Variants in POC1B observed in about 807,000 individuals in gnomAD.
The protein encoded by POC1B is POC1 centriolar protein B.
POC1B carries 44 observed loss-of-function variants against 60.6 expected under a neutral mutation model. The ratio of observed to expected loss-of-function variants is 0.73; its 90% CI spans 0.57 to 0.93. The LOEUF (loss-of-function observed/expected upper bound fraction) is 0.93. Among genes scored for constraint, POC1B ranks in the 40% least tolerant of loss-of-function variants. The probability of loss-of-function intolerance (pLI) is 0.00; values close to 1 mark genes in which losing one functional copy is unlikely to be tolerated. For missense variants in POC1B, 555 were observed against 572.3 expected (o/e 0.97, Z 0.31); for synonymous variants, 180 against 198.9 (o/e 0.90, Z 0.80).
chr12:89,432,732 G>A (rs1404428722), intron 10 of POC1B, among the ~76,000 whole-genome samples: 1 of 152,190 alleles, frequency 6.6e-6, no homozygotes, highest in Non-Finnish European at 1.5e-5. Flanking sequence ...GACGTGTTAT[G>A]TTTGAGAGGC....
At chr12:89,410,164 TA>T in the POC1B span, among the ~76,000 whole-genome samples, 1 of 152,200 alleles carries the variant, frequency 6.6e-6, no homozygotes, top group East Asian at 1.9e-4. Flanking sequence ...TTCAAATCAA[TA>T]AATGTAATCC....
At chr12:89,468,023 C>A (rs1252746851) in intron 7 of POC1B, among the ~76,000 whole-genome samples, 2 of 152,178 alleles carry the variant, frequency 1.3e-5, no homozygotes, top group Middle Eastern at 3.2e-3. Context: ...TTCAACCAAT[C>A]ACTAGCAGAA....
intron 2 of POC1B, chr12:89,500,093 A>G (rs1349536846): frequency 4.3e-6 from 6 of 1,408,954 alleles, no homozygotes; most frequent in Admixed American, 3.8e-5. Context: ...GGGCCGGAAC[A>G]TGGCTGTGTC....
chr12:89,523,697 G>C (rs1211274959), intron 2 of POC1B: 1 of 1,543,794 alleles, frequency 6.5e-7, no homozygotes, highest in African/African-American at 1.4e-5. Context: ...GAATGCCACT[G>C]AAATGTTAAA....
rs77150386 is a variant in POC1B, at chr12:89,482,002, C to T, written c.453-9727G>A. 5.5e-3 allele frequency among the ~76,000 whole-genome samples: 834 copies of T among 152,182 alleles called. 10 individuals are homozygous for T. Among genetic ancestry groups the T allele is most frequent in the African/African-American group, 0.015 (641 of 41,510 alleles). ...ACAAAACTTAACACTCTTTAGACAA[C>T]GACAGCATAATCTAAACTCAAAAAT... On this transcript the variant is annotated intron_variant, in intron 4 of 11. Coordinates refer to ENST00000313546, the MANE Select transcript of POC1B (RefSeq NM_172240.3).
At chr12:89,493,503 A>ATAT (rs1869090758) in intron 3 of POC1B, among the ~76,000 whole-genome samples, 1 of 152,212 alleles carries the variant, frequency 6.6e-6, no homozygotes, top group South Asian at 2.1e-4. Flanking sequence ...CTGACATATG[A>ATAT]TATTACTCAG....
intron 4 of POC1B, among the ~76,000 whole-genome samples, chr12:89,479,698 A>G (rs1381608869): frequency 6.6e-6 from 1 of 151,524 alleles, no homozygotes; most frequent in Non-Finnish European, 1.5e-5. Context: ...CATAGAAAGT[A>G]CTGGGCACCG....
chr12:89,425,086 G>T, intron 11 of POC1B, 75 bp downstream of exon 11: 6 of 1,457,286 alleles, frequency 4.1e-6, no homozygotes, highest in Non-Finnish European at 5.7e-6. Flanking sequence ...TGCTAGTTCT[G>T]CAACTTGCTG....
intron 2 of POC1B, chr12:89,502,628 CTTGT>C: frequency 7.6e-7 from 1 of 1,324,454 alleles, no homozygotes; most frequent in Admixed American, 1.8e-5. Flanking sequence ...TCTCATGGAT[CTTGT>C]AAGGCCACAA....
At chr12:89,432,027 A>T (rs989084781) in intron 10 of POC1B, among the ~76,000 whole-genome samples, 1 of 152,096 alleles carries the variant, frequency 6.6e-6, no homozygotes, top group Non-Finnish European at 1.5e-5. Context: ...CTCTTTCCGT[A>T]TAAGGACCCT....
chr12:89,493,159 C>T (rs767830810), intron 3 of POC1B, among the ~76,000 whole-genome samples: 4 of 152,190 alleles, frequency 2.6e-5, no homozygotes, highest in Non-Finnish European at 1.5e-5. Context: ...CTTTCTCAGG[C>T]TGGACTATTT....
chr12:89,522,802 G>T (rs1250294964), intron 2 of POC1B: 9 of 1,558,306 alleles, frequency 5.8e-6, no homozygotes, highest in Non-Finnish European at 6.1e-6. Context: ...TGACGAAAGT[G>T]CTGTTGTGCT....
chr12:89,517,880 A>T (rs1870529278), intron 2 of POC1B, among the ~76,000 whole-genome samples: 1 of 152,172 alleles, frequency 6.6e-6, no homozygotes, highest in Non-Finnish European at 1.5e-5. Context: ...GGAGTAGTAA[A>T]TAAATAGAGT....
chr12:89,403,155 C>T, the POC1B span, among the ~76,000 whole-genome samples: 3 of 151,870 alleles, frequency 2.0e-5, no homozygotes, highest in Non-Finnish European at 2.9e-5. Context: ...TTACAGACGC[C>T]CGCCACCACA....
At chr12:89,491,343 G>T (rs919233574) in intron 4 of POC1B, among the ~76,000 whole-genome samples, 8 of 151,952 alleles carry the variant, frequency 5.3e-5, no homozygotes, top group Non-Finnish European at 1.0e-4. Flanking sequence ...GAAATTACAG[G>T]CCCCTTGTAA....
chr12:89,501,897 A>C (rs1592631974), intron 2 of POC1B: 1 of 1,150,590 alleles, frequency 8.7e-7, no homozygotes, highest in Non-Finnish European at 1.3e-6. Flanking sequence ...TAAATGCTAA[A>C]GGTTCTGGAG....
the POC1B span, among the ~76,000 whole-genome samples, chr12:89,409,169 T>C: frequency 6.6e-6 from 1 of 152,212 alleles, no homozygotes; most frequent in African/African-American, 2.4e-5. Context: ...CAATTGCTTT[T>C]GGTGTTTCAG....
chr12:89,524,781 A>T, intron 2 of POC1B: 1 of 625,366 alleles, frequency 1.6e-6, no homozygotes, highest in Non-Finnish European at 2.8e-6. Context: ...CTCGGCTCAC[A>T]ACTTTTCACA....
intron 2 of POC1B, chr12:89,502,051 C>T (rs897164862): frequency 1.0e-6 from 1 of 988,372 alleles, no homozygotes; most frequent in South Asian, 1.3e-5. Flanking sequence ...TATGACTGCA[C>T]AGAATGTTCC....
Sources: allele counts gnomAD v4.1 joint callset (sites outside exome capture counted in the v4.1 genomes callset), GRCh38; gene constraint gnomAD v4.1.1; transcripts MANE v1.5; gene names NCBI Gene and HGNC (gene_info 2026-07-23, HGNC 2026-07-21).